The following MTMR3 variants were observed in gnomAD, a reference collection of about 807,000 sequenced individuals.
MTMR3 encodes phosphatidylinositol-3,5-bisphosphate 3-phosphatase MTMR3.
In MTMR3, 32 loss-of-function variants were observed where a neutral mutation model predicts 132.4. That is an observed-to-expected ratio of 0.24 (90% CI 0.18 to 0.32). The LOEUF is 0.32. Among genes scored for constraint, MTMR3 ranks in the 10% least tolerant of loss-of-function variants. The pLI, the probability that MTMR3 is intolerant of heterozygous loss-of-function variation, is 1.00. For synonymous variants in MTMR3, 556 were observed against 550.3 expected (o/e 1.01, Z -0.14); for missense variants, 1,216 against 1,489.6 (o/e 0.82, Z 3.02).
intron 1 of MTMR3, among the ~76,000 whole-genome samples, chr22:29,933,695 A>G (rs549922217): frequency 6.6e-6 from 1 of 151,452 alleles, no homozygotes; most frequent in Non-Finnish European, 1.5e-5. Flanking sequence ...TTCTTTGCAC[A>G]TAAAGATGAT....
chr22:30,013,748 G>A (rs998934872), intron 14 of MTMR3: 6 of 466,436 alleles, frequency 1.3e-5, no homozygotes, highest in African/African-American at 8.1e-5. Context: ...TGAAGTCCTT[G>A]TGTTGTTTTA....
chr22:29,889,789 T>C (rs1313909582), intron 1 of MTMR3, among the ~76,000 whole-genome samples: 2 of 152,200 alleles, frequency 1.3e-5, no homozygotes, highest in Non-Finnish European at 2.9e-5. Flanking sequence ...TTATAGCAGT[T>C]CTGTGTTATT....
chr22:29,978,230 A>G (rs1024123723), intron 3 of MTMR3: 7 of 400,422 alleles, frequency 1.7e-5, no homozygotes, highest in Admixed American at 3.6e-5. Context: ...CCTCTTTGAC[A>G]TTTTTTTTGC....
intron 3 of MTMR3, chr22:29,978,104 C>A (rs553462639): frequency 5.8e-6 from 1 of 172,082 alleles, no homozygotes; most frequent in Non-Finnish European, 1.3e-5. Context: ...TACACCACCG[C>A]ACTACCTGTG....
intron 1 of MTMR3, among the ~76,000 whole-genome samples, chr22:29,897,823 G>T (rs1233521596): frequency 6.6e-6 from 1 of 151,928 alleles, no homozygotes; most frequent in Non-Finnish European, 1.5e-5. Context: ...TCGTATTTTC[G>T]TATGCAGAAG....
intron 1 of MTMR3, among the ~76,000 whole-genome samples, chr22:29,901,455 T>C (rs1238295732): frequency 6.6e-6 from 1 of 152,176 alleles, no homozygotes; most frequent in African/African-American, 2.4e-5. Context: ...CTCTATCATA[T>C]GTATGGTTGA....
intron 2 of MTMR3, among the ~76,000 whole-genome samples, chr22:29,964,167 A>G (rs1368196117): frequency 2.6e-5 from 4 of 152,170 alleles, no homozygotes; most frequent in Non-Finnish European, 5.9e-5. Context: ...TCTAATTTTA[A>G]GAAGTATTAC....
chr22:30,006,979 A>T, intron 9 of MTMR3, 135 bp from the exon 10 acceptor site: 1 of 795,558 alleles, frequency 1.3e-6, no homozygotes, highest in Non-Finnish European at 2.0e-6. Context: ...TACCCTCTTT[A>T]ATACTGAGAG....
chr22:29,908,041 T>A (rs1033828121), intron 1 of MTMR3, among the ~76,000 whole-genome samples: 1 of 152,174 alleles, frequency 6.6e-6, no homozygotes. Context: ...GAGATCTTGC[T>A]TGTACCTCCT....
intron 19 of MTMR3, chr22:30,023,103 C>G (rs2067808144): frequency 5.0e-6 from 2 of 401,634 alleles, no homozygotes; most frequent in African/African-American, 2.0e-5. Flanking sequence ...CTTGTTTTCC[C>G]TTGTGCCATT....
At chr22:29,965,078 C>T (rs1054160438) in intron 2 of MTMR3, among the ~76,000 whole-genome samples, 36 of 152,102 alleles carry the variant, frequency 2.4e-4, no homozygotes, top group East Asian at 3.8e-4. Flanking sequence ...AGTAGGTCTT[C>T]GGTACCCCCA....
intron 11 of MTMR3, 140 bp downstream of exon 11, chr22:30,008,172 C>T (rs2067315525): frequency 9.3e-7 from 1 of 1,077,836 alleles, no homozygotes; most frequent in Non-Finnish European, 1.3e-6. Flanking sequence ...CAGAGCTTCT[C>T]TTTGGATTCT....
At position 30,025,413 on chromosome 22, in the gene MTMR3, A is replaced by C. The variant is rs557246815; in HGVS notation, c.3426-217A>C. ...TTGAGTCAGTGGTGAGGCAGCCAAGAATCCTTGGCCCCAAAGTGAAAATGA... is the reference window on the plus strand; with the variant it reads ...TTGAGTCAGTGGTGAGGCAGCCAAGCATCCTTGGCCCCAAAGTGAAAATGA... On this transcript the variant is annotated intron_variant, in intron 19 of 19. Coordinates refer to ENST00000401950, the MANE Select transcript of MTMR3 (RefSeq NM_021090.4). 1.2e-5 allele frequency: 7 copies of C among 581,492 alleles called. No individual in the cohort carries two copies. The East Asian group carries it at 2.0e-4, about 17-fold the overall frequency. 36.0% of individuals were successfully genotyped at this position (581,492 alleles called of 1,614,324 possible).
intron 17 of MTMR3, chr22:30,021,149 G>C (rs2067738584): frequency 2.0e-6 from 1 of 495,154 alleles, no homozygotes; most frequent in Admixed American, 3.4e-5. Flanking sequence ...TGGTTGATCA[G>C]ATCTCTCAGA....
chr22:29,958,318 A>G (rs766267872), intron 2 of MTMR3, among the ~76,000 whole-genome samples: 1 of 152,158 alleles, frequency 6.6e-6, no homozygotes, highest in African/African-American at 2.4e-5. Flanking sequence ...CCTTGGTTTT[A>G]AGTTCCTAAA....
rs189445111 is a variant in MTMR3 at position 29,973,338 on chromosome 22, A to C, written c.3+2276A>C. Among the ~76,000 whole-genome samples, 662 of 152,338 alleles carry C rather than the reference A, an allele frequency of 4.3e-3. 6 individuals are homozygous for C. Among genetic ancestry groups the C allele is most frequent in the African/African-American group, 0.015 (626 of 41,578 alleles). On this transcript the variant is annotated intron_variant, in intron 3 of 19. Coordinates refer to ENST00000401950, the MANE Select transcript of MTMR3 (RefSeq NM_021090.4). ...GAGAAAAGTACAGTGCACTCATATG[A>C]ACATCATTCAGCTGCAGTAATCATA... is the stretch of plus-strand genomic sequence containing the variant.
intron 19 of MTMR3, chr22:30,025,216 T>C (rs2067884494): frequency 5.8e-6 from 1 of 171,808 alleles, no homozygotes; most frequent in South Asian, 1.5e-4. Flanking sequence ...GGGTAGTTGT[T>C]TCTCTCGTTT....
intron 1 of MTMR3, among the ~76,000 whole-genome samples, chr22:29,884,173 A>G (rs3788418): frequency 0.1 from 15,415 of 152,122 alleles, 800 homozygotes; most frequent in Middle Eastern, 0.14. Context: ...TTACATATTG[A>G]TGTTCAAATG....
chr22:29,912,800 C>T (rs1189305954), intron 1 of MTMR3, among the ~76,000 whole-genome samples: 1 of 152,146 alleles, frequency 6.6e-6, no homozygotes, highest in Non-Finnish European at 1.5e-5. Flanking sequence ...TGACCATTGG[C>T]CAAGATTGTG....
Sources: allele counts gnomAD v4.1 joint callset (sites outside exome capture counted in the v4.1 genomes callset), GRCh38; gene constraint gnomAD v4.1.1; transcripts MANE v1.5; gene names NCBI Gene and HGNC (gene_info 2026-07-23, HGNC 2026-07-21).